CDH12: variants seen among roughly 807,000 people sequenced by gnomAD.
The protein encoded by CDH12 is cadherin 12.
A neutral mutation model predicts 74.1 loss-of-function variants in CDH12; 41 were observed. The ratio of observed to expected loss-of-function variants is 0.55; its 90% CI spans 0.43 to 0.72. The LOEUF (loss-of-function observed/expected upper bound fraction) is 0.72, where lower values mean the gene tolerates loss of function less well. CDH12 is among the 30% of genes least tolerant of loss of function. CDH12 has a pLI of 0.00. For missense variants in CDH12, 945 were observed against 977.2 expected (o/e 0.97, Z 0.44); for synonymous variants, 399 against 355.0 (o/e 1.12, Z -1.39).
intron 3 of CDH12, among the ~76,000 whole-genome samples, chr5:22,367,431 G>GTGT (rs1466489996): frequency 6.6e-6 from 1 of 152,246 alleles, no homozygotes; most frequent in East Asian, 1.9e-4. Context: ...TCCCCCATTT[G>GTGT]TGTTTCCACA....
intron 5 of CDH12, among the ~76,000 whole-genome samples, chr5:21,983,854 T>C (rs1019893752): frequency 2.6e-5 from 4 of 152,170 alleles, no homozygotes; most frequent in Non-Finnish European, 4.4e-5. Flanking sequence ...AAATTGTGCA[T>C]ACCTACACAC....
chr5:22,386,624 G>A (rs186275666), intron 3 of CDH12, among the ~76,000 whole-genome samples: 89 of 151,818 alleles, frequency 5.9e-4, no homozygotes, highest in African/African-American at 2.1e-3. Context: ...GCTATCTAGA[G>A]TTCTTTTATT....
At chr5:22,499,380 T>A (rs1747241479) in intron 2 of CDH12, among the ~76,000 whole-genome samples, 1 of 152,168 alleles carries the variant, frequency 6.6e-6, no homozygotes, top group Non-Finnish European at 1.5e-5. Flanking sequence ...ATCTTAGTAA[T>A]CAGTCTTAGT....
intron 8 of CDH12, among the ~76,000 whole-genome samples, chr5:21,832,762 A>G (rs1233766029): frequency 7.7e-6 from 1 of 130,560 alleles, no homozygotes; most frequent in Non-Finnish European, 1.6e-5. Flanking sequence ...TATCATATAT[A>G]TGATATATAT....
At chr5:22,272,666 C>A (rs1736451036) in intron 3 of CDH12, among the ~76,000 whole-genome samples, 1 of 152,006 alleles carries the variant, frequency 6.6e-6, no homozygotes, top group Admixed American at 6.6e-5. Context: ...GGCCTCATTT[C>A]AATATTTTTG....
At chr5:22,073,410 G>T (rs1467123687) in intron 5 of CDH12, among the ~76,000 whole-genome samples, 1 of 152,114 alleles carries the variant, frequency 6.6e-6, no homozygotes, top group Non-Finnish European at 1.5e-5. Flanking sequence ...ACAGATACAG[G>T]CTTGCAATTA....
At position 21,752,137 on chromosome 5, in the gene CDH12, T is replaced by C; in HGVS notation, c.1985A>G (p.Asp662Gly). ...DIRDNVIHYD[D>G]EGGGEEDTQA... is the part of the protein sequence containing the mutation. ...GGTATCTTCCTCCCCACCTCCTTCA[T>C]CATCGTAATGGATGACGTTGTCTCT... The change falls in exon 15 of 15, where the codon GAT becomes GGT. Residue 662 changes from aspartate (D) to glycine (G), a missense_variant. Physicochemically the swap from Asp to Gly is moderately conservative, Grantham distance 94 (BLOSUM62 -1). Coordinates refer to ENST00000382254, the MANE Select transcript of CDH12 (RefSeq NM_004061.5). The C allele has an allele frequency of 6.2e-7, 1 of 1,614,136 alleles. No individual in the cohort carries two copies. Among genetic ancestry groups the C allele is most frequent in the Non-Finnish European group, 8.5e-7 (1 of 1,180,016 alleles).
chr5:22,670,819 T>C (rs928132289), intron 1 of CDH12, among the ~76,000 whole-genome samples: 2 of 152,040 alleles, frequency 1.3e-5, no homozygotes, highest in Non-Finnish European at 2.9e-5. Flanking sequence ...AGATTAGGTG[T>C]CGTTCAAAAT....
At chr5:22,543,807 C>T (rs1738201619) in intron 1 of CDH12, among the ~76,000 whole-genome samples, 1 of 152,154 alleles carries the variant, frequency 6.6e-6, no homozygotes, top group Non-Finnish European at 1.5e-5. Context: ...TCCCAAGACA[C>T]TTACTCTCTG....
At chr5:21,779,753 C>G (rs1269212993) in intron 11 of CDH12, among the ~76,000 whole-genome samples, 1 of 152,090 alleles carries the variant, frequency 6.6e-6, no homozygotes, top group Non-Finnish European at 1.5e-5. Flanking sequence ...GTGGGCTATT[C>G]ATTTCTCATT....
intron 6 of CDH12, among the ~76,000 whole-genome samples, chr5:21,919,468 T>C (rs1754253749): frequency 1.3e-5 from 2 of 152,174 alleles, no homozygotes; most frequent in Admixed American, 6.6e-5. Context: ...ATTCCACTTA[T>C]GAAATGCCAT....
intron 3 of CDH12, among the ~76,000 whole-genome samples, chr5:22,395,673 G>A (rs1383361220): frequency 1.3e-5 from 2 of 152,092 alleles, no homozygotes; most frequent in African/African-American, 4.8e-5. Flanking sequence ...CATGTAGGCA[G>A]TTTGATATTT....
intron 3 of CDH12, among the ~76,000 whole-genome samples, chr5:22,245,948 G>T (rs575942458): frequency 6.6e-6 from 1 of 152,182 alleles, no homozygotes; most frequent in African/African-American, 2.4e-5. Context: ...TGATGAATAT[G>T]CAACTTCCCT....
intron 1 of CDH12, among the ~76,000 whole-genome samples, chr5:22,548,159 T>A (rs1738411374): frequency 6.6e-6 from 1 of 152,196 alleles, no homozygotes; most frequent in Admixed American, 6.5e-5. Context: ...ACTCCCATAA[T>A]AACTTTAAAG....
intron 5 of CDH12, among the ~76,000 whole-genome samples, chr5:22,048,710 A>T (rs1367056315): frequency 6.6e-6 from 1 of 152,190 alleles, no homozygotes; most frequent in African/African-American, 2.4e-5. Context: ...GGGAGAGAAC[A>T]TATATTATCA....
intron 6 of CDH12, among the ~76,000 whole-genome samples, chr5:21,956,636 C>T (rs1756112003): frequency 6.6e-6 from 1 of 151,960 alleles, no homozygotes; most frequent in African/African-American, 2.4e-5. Context: ...GACACCAAGG[C>T]TATTGACATT....
chr5:22,658,500 G>C (rs1740177589), intron 1 of CDH12, among the ~76,000 whole-genome samples: 1 of 151,878 alleles, frequency 6.6e-6, no homozygotes, highest in Non-Finnish European at 1.5e-5. Context: ...CTGACTAAAA[G>C]GGAGCTTGAT....
At chr5:22,656,146 ATGGATTTTT>A (rs1393704743) in intron 1 of CDH12, among the ~76,000 whole-genome samples, 1 of 152,086 alleles carries the variant, frequency 6.6e-6, no homozygotes, top group Non-Finnish European at 1.5e-5. Context: ...TTTAGATTTT[ATGGATTTTT>A]TGTGATAAGG....
At chr5:22,583,335 C>T (rs1279861410) in intron 1 of CDH12, among the ~76,000 whole-genome samples, 1 of 151,960 alleles carries the variant, frequency 6.6e-6, no homozygotes, top group Non-Finnish European at 1.5e-5. Context: ...TTTTAAAATG[C>T]TGTTAATAGG....
Sources: allele counts gnomAD v4.1 joint callset (sites outside exome capture counted in the v4.1 genomes callset), GRCh38; gene constraint gnomAD v4.1.1; transcripts MANE v1.5; gene names NCBI Gene and HGNC (gene_info 2026-07-23, HGNC 2026-07-21).